Variants in UGGT1 observed in about 807,000 individuals in gnomAD.
UGGT1 encodes UDP-glucose glycoprotein glucosyltransferase 1.
Under a neutral mutation model 203.9 loss-of-function variants are expected in UGGT1, and 107 were observed. The ratio of observed to expected loss-of-function variants is 0.52; its 90% CI spans 0.45 to 0.62. The LOEUF (loss-of-function observed/expected upper bound fraction) is 0.62, where lower values mean the gene tolerates loss of function less well. Among genes scored for constraint, UGGT1 ranks in the 20% least tolerant of loss-of-function variants. The probability of loss-of-function intolerance (pLI) is 0.00; values close to 1 mark genes in which losing one functional copy is unlikely to be tolerated. For synonymous variants in UGGT1, 628 were observed against 653.5 expected (o/e 0.96, Z 0.59); for missense variants, 1,673 against 1,867.2 (o/e 0.90, Z 1.92).
intron 1 of UGGT1, 25 bp downstream of exon 1, chr2:128,091,440 C>A: frequency 6.4e-7 from 1 of 1,569,644 alleles, no homozygotes; most frequent in South Asian, 1.2e-5. Context: ...CGTGAGGAGG[C>A]CTCGTGGACA....
At chr2:128,151,154 A>G in intron 18 of UGGT1, 1 of 448,214 alleles carries the variant, frequency 2.2e-6, no homozygotes, top group Non-Finnish European at 4.2e-6. Context: ...CCCGGCCCAG[A>G]TTTCTTAATT....
At chr2:128,109,149 C>T (rs574676196) in intron 4 of UGGT1, among the ~76,000 whole-genome samples, 16 of 152,102 alleles carry the variant, frequency 1.1e-4, no homozygotes, top group Non-Finnish European at 1.3e-4. Flanking sequence ...GCCTCTGCCC[C>T]GCAAATTGCT....
intron 22 of UGGT1, among the ~76,000 whole-genome samples, chr2:128,158,011 G>T (rs1449355485): frequency 6.7e-6 from 1 of 149,418 alleles, no homozygotes; most frequent in Non-Finnish European, 1.5e-5. Flanking sequence ...CTGAAATAAA[G>T]AAATATCCAG....
rs1169695070 is a variant in UGGT1, at chr2:128,127,428, A to G, written c.1202A>G (p.Asp401Gly). 1.9e-6 allele frequency: 3 copies of G among 1,613,144 alleles called. No individual in the cohort carries two copies. Among genetic ancestry groups the G allele is most frequent in the Middle Eastern group, 1.7e-4 (1 of 6,054 alleles). ...CTCTTCATCAATGGACTTCACATGGATTTAGATACACAGGATATATTCAGG... is the reference window on the plus strand; with the variant it reads ...CTCTTCATCAATGGACTTCACATGGGTTTAGATACACAGGATATATTCAGG... ...SALFINGLHM[D>G]LDTQDIFSLF... The change falls in exon 12 of 41, where the codon GAT (aspartate) becomes GGT (glycine). Residue 401 changes from aspartate (D) to glycine (G), a missense_variant. Coordinates refer to ENST00000259253, the MANE Select transcript of UGGT1 (RefSeq NM_020120.4).
In UGGT1 at chr2:128,173,886, T is replaced by G. The variant is rs1691239338; in HGVS notation, c.3400T>G (p.Leu1134Val). The G allele has an allele frequency of 6.2e-7, 1 of 1,614,088 alleles. No homozygotes were observed. Among genetic ancestry groups the G allele is most frequent in the African/African-American group, 1.3e-5 (1 of 74,928 alleles). Residue 1134 changes from leucine to valine, a missense_variant, in exon 30 of 41, where the codon TTA (leucine) becomes GTA (valine). Around this residue, in one of 4 missense-constraint regions of UGGT1, gnomAD observed 513 missense variants for 684.1 expected, o/e 0.75. Coordinates refer to ENST00000259253, the MANE Select transcript of UGGT1 (RefSeq NM_020120.4). ...GCCTCCACGGGGACTACAGTTTACC[T>G]TAGGAACTTCAGCCAACCCGGTCAT... ...GQPPRGLQFT[L>V]GTSANPVIVD...
At chr2:128,104,086 G>C in intron 3 of UGGT1, 72 bp downstream of exon 3, 1 of 1,199,532 alleles carries the variant, frequency 8.3e-7, no homozygotes. Context: ...TCTCTTTATA[G>C]TATGTGTGGC....
chr2:128,111,411 T>G (rs1194895664), intron 5 of UGGT1, among the ~76,000 whole-genome samples: 2 of 152,176 alleles, frequency 1.3e-5, no homozygotes, highest in South Asian at 4.1e-4. Context: ...GTAAAAATAG[T>G]AGAGGAGATA....
At chr2:128,144,953 A>G (rs1689611111) in intron 17 of UGGT1, among the ~76,000 whole-genome samples, 1 of 152,238 alleles carries the variant, frequency 6.6e-6, no homozygotes, top group African/African-American at 2.4e-5. Context: ...TGAAAAGTTA[A>G]TCTGAGGGAC....
In UGGT1 at chr2:128,120,475, G is replaced by C. The variant is rs1172392603; in HGVS notation, c.973+19G>C. On this transcript the variant is annotated intron_variant, in intron 9 of 40. Transcript: ENST00000259253. ...TTGCAAGGTAATGAAAACAGGGAGA[G>C]GTCATTGGCCTACTTTTTGGCTAAG... 2 of 1,594,298 alleles carry C rather than the reference G, an allele frequency of 1.3e-6. No individual in the cohort carries two copies. Among genetic ancestry groups the C allele is most frequent in the South Asian group, 2.2e-5 (2 of 89,562 alleles).
At chr2:128,123,810 T>C (rs1228233893) in intron 11 of UGGT1, among the ~76,000 whole-genome samples, 1 of 152,230 alleles carries the variant, frequency 6.6e-6, no homozygotes, top group African/African-American at 2.4e-5. Flanking sequence ...ACCTCCTTTG[T>C]TGGATCCTCT....
intron 33 of UGGT1, 64 bp from the exon 34 acceptor site, chr2:128,178,404 T>C: frequency 7.2e-7 from 1 of 1,380,910 alleles, no homozygotes; most frequent in Non-Finnish European, 1.0e-6. Context: ...TTCCTCTTAC[T>C]TTCAAAGGCC....
chr2:128,112,422 A>AG (rs1423438206), intron 5 of UGGT1, among the ~76,000 whole-genome samples: 3 of 115,570 alleles, frequency 2.6e-5, no homozygotes, highest in African/African-American at 9.8e-5. Context: ...CTCCATCTCC[A>AG]AAAAAAAAAA....
intron 19 of UGGT1, among the ~76,000 whole-genome samples, chr2:128,154,453 C>G (rs888788985): frequency 3.9e-5 from 6 of 152,198 alleles, no homozygotes; most frequent in African/African-American, 1.2e-4. Flanking sequence ...TTAGGAGGCT[C>G]TGGCATCCTC....
intron 10 of UGGT1, among the ~76,000 whole-genome samples, chr2:128,122,924 G>A (rs182797511): frequency 1.3e-5 from 2 of 152,214 alleles, no homozygotes; most frequent in Admixed American, 6.5e-5. Flanking sequence ...TAGAAATGGG[G>A]TGCATATGTT....
At chr2:128,134,833 G>T in intron 14 of UGGT1, 43 bp from the exon 15 acceptor site, 1 of 1,572,846 alleles carries the variant, frequency 6.4e-7, no homozygotes, top group South Asian at 1.1e-5. Context: ...ACAGATACTT[G>T]AATAAATGTC....
Position 128,140,966 on chromosome 2 carries a change from G to A in UGGT1, c.1719+2114G>A, listed in dbSNP as rs560793075. Among the ~76,000 whole-genome samples, 55 of 152,012 alleles carry A rather than the reference G, an allele frequency of 3.6e-4. No homozygotes were observed. The Middle Eastern group carries it at 0.01, about 28-fold the overall frequency. On this transcript the variant is annotated intron_variant, in intron 16 of 40. Coordinates refer to ENST00000259253, the MANE Select transcript of UGGT1 (RefSeq NM_020120.4). ...GCCTCCCAAAGTGCTGGGATTTTAC[G>A]TGTGAGCCACTGGGGCTTGGCTGCT... is the stretch of plus-strand genomic sequence containing the variant.
At chr2:128,134,825 A>G (rs745721820) in intron 14 of UGGT1, 51 bp from the exon 15 acceptor site, 16 of 1,544,676 alleles carry the variant, frequency 1.0e-5, no homozygotes, top group Non-Finnish European at 1.4e-5. Flanking sequence ...CTCGGCCCAC[A>G]GATACTTGAA....
intron 8 of UGGT1, among the ~76,000 whole-genome samples, chr2:128,117,416 C>T (rs1425181265): frequency 6.6e-6 from 1 of 151,978 alleles, no homozygotes. Flanking sequence ...TTAGAATTTG[C>T]TTTATGTGAA....
chr2:128,174,250 C>T (rs1691260575), intron 30 of UGGT1, among the ~76,000 whole-genome samples: 2 of 151,848 alleles, frequency 1.3e-5, no homozygotes, highest in South Asian at 2.1e-4. Flanking sequence ...GTTGATTCTT[C>T]CCTGAAGCAC....
Sources: allele counts gnomAD v4.1 joint callset (sites outside exome capture counted in the v4.1 genomes callset), GRCh38; gene constraint gnomAD v4.1.1; regional missense constraint gnomAD v4.1.1; transcripts MANE v1.5; gene names NCBI Gene and HGNC (gene_info 2026-07-23, HGNC 2026-07-21).